The following NFKB1 variants were observed in gnomAD, a reference collection of about 807,000 sequenced individuals.
NFKB1 encodes nuclear factor kappa B subunit 1, also known as nuclear factor NF-kappa-B p105 subunit.
Under a neutral mutation model 105.1 loss-of-function variants are expected in NFKB1, and 9 were observed. The ratio of observed to expected loss-of-function variants is 0.09; its 90% CI spans 0.05 to 0.15. NFKB1 has a LOEUF of 0.15. NFKB1 is among the 10% of genes least tolerant of loss of function. The pLI is 1.00. For synonymous variants in NFKB1, 440 were observed against 442.2 expected (o/e 1.00, Z 0.06); for missense variants, 830 against 1,203.7 (o/e 0.69, Z 4.59).
intron 7 of NFKB1, chr4:102,578,584 T>G: frequency 2.2e-6 from 1 of 461,824 alleles, no homozygotes; most frequent in South Asian, 4.5e-5. Context: ...CCTTTAACTC[T>G]TACTGTAGAG....
Position 102,616,640 on chromosome 4 carries a change from C to T in NFKB1, c.*46C>T. ...CCGTGTAAACCAAAGCCCTAAAATTCCACTGCGTTGTCCACAAGACAGAAG... is the reference window on the plus strand; with the variant it reads ...CCGTGTAAACCAAAGCCCTAAAATTTCACTGCGTTGTCCACAAGACAGAAG... On this transcript the variant is annotated 3_prime_UTR_variant, in exon 24 of 24. Transcript: ENST00000226574. 1 of 1,591,896 alleles carries T rather than the reference C, an allele frequency of 6.3e-7. No homozygotes were observed. Among genetic ancestry groups the T allele is most frequent in the African/African-American group, 1.3e-5 (1 of 74,706 alleles).
At chr4:102,591,420 A>G (rs886663445) in intron 11 of NFKB1, among the ~76,000 whole-genome samples, 1 of 51,412 alleles carries the variant, frequency 1.9e-5, no homozygotes, top group Non-Finnish European at 4.3e-5. Flanking sequence ...ACCCTGGCTC[A>G]AAAAAAAAAA....
chr4:102,588,758 C>T (rs1725928729), intron 11 of NFKB1, among the ~76,000 whole-genome samples: 1 of 152,144 alleles, frequency 6.6e-6, no homozygotes, highest in South Asian at 2.1e-4. Context: ...GGAGTGTTTT[C>T]AAAAGAATGA....
chr4:102,525,674 T>C, intron 2 of NFKB1, 117 bp downstream of exon 2: 1 of 870,868 alleles, frequency 1.1e-6, no homozygotes, highest in Admixed American at 2.7e-5. Flanking sequence ...AAATTTTTTT[T>C]TAATTTCAGT....
intron 10 of NFKB1, among the ~76,000 whole-genome samples, chr4:102,583,304 T>G (rs1366047666): frequency 6.6e-6 from 1 of 152,170 alleles, no homozygotes; most frequent in Non-Finnish European, 1.5e-5. Context: ...ACTTTCTGCC[T>G]TATTGAAATT....
At chr4:102,502,364 C>A (rs924728537) in intron 1 of NFKB1, among the ~76,000 whole-genome samples, 4 of 141,298 alleles carry the variant, frequency 2.8e-5, no homozygotes, top group Non-Finnish European at 6.1e-5. Flanking sequence ...TCTCCCCCCT[C>A]CCCCCCTCCG....
In NFKB1 at chr4:102,551,238, C is replaced by T. The variant is rs570808798; in HGVS notation, c.258+13282C>T. The stretch of plus-strand genomic sequence containing the variant: ...ATGAATGTGATCATCTTTCTGTAGC[C>T]CCCAGGTTACATGGCACCACAGCCA... On this transcript the variant is annotated intron_variant, in intron 5 of 23. Transcript: ENST00000226574. Among the ~76,000 whole-genome samples the T allele has an allele frequency of 2.6e-5, 4 of 152,262 alleles. No individual in the cohort carries two copies. The East Asian group carries it at 7.7e-4, about 29-fold the overall frequency.
intron 5 of NFKB1, among the ~76,000 whole-genome samples, chr4:102,546,703 A>G (rs144957326): frequency 3.3e-5 from 5 of 152,300 alleles, no homozygotes; most frequent in African/African-American, 1.2e-4. Flanking sequence ...ACAAAAGATA[A>G]GGCCTTGGGC....
chr4:102,612,645 A>C (rs764800177), intron 22 of NFKB1, 39 bp downstream of exon 22: 1 of 1,575,988 alleles, frequency 6.3e-7, no homozygotes, highest in African/African-American at 1.4e-5. Context: ...TTTTCATTTG[A>C]CTTTACTCTG....
At chr4:102,610,499 G>T in intron 19 of NFKB1, 76 bp from the exon 20 acceptor site, 1 of 1,529,654 alleles carries the variant, frequency 6.5e-7, no homozygotes, top group Non-Finnish European at 8.9e-7. Context: ...TTTGCCTTTG[G>T]GAATCTGACC....
At chr4:102,578,699 C>T (rs2149184295) in intron 7 of NFKB1, 182 bp from the exon 8 acceptor site, 1 of 550,742 alleles carries the variant, frequency 1.8e-6, no homozygotes, top group South Asian at 3.3e-5. Flanking sequence ...TTCTTTGATG[C>T]CTTTCATATT....
intron 15 of NFKB1, among the ~76,000 whole-genome samples, chr4:102,600,252 C>A (rs1240728654): frequency 6.6e-6 from 1 of 152,154 alleles, no homozygotes; most frequent in Non-Finnish European, 1.5e-5. Flanking sequence ...CAAAAACATT[C>A]CAGGCAGAGG....
chr4:102,539,037 G>A (rs1277045323), intron 5 of NFKB1, among the ~76,000 whole-genome samples: 1 of 152,000 alleles, frequency 6.6e-6, no homozygotes, highest in African/African-American at 2.4e-5. Flanking sequence ...AGGAGTTCGA[G>A]ACCAGCCTGG....
chr4:102,508,432 TG>T (rs937210402), intron 1 of NFKB1, among the ~76,000 whole-genome samples: 1 of 152,204 alleles, frequency 6.6e-6, no homozygotes, highest in African/African-American at 2.4e-5. Context: ...CTTAATTTTT[TG>T]CTCAGTTGGA....
At chr4:102,526,640 T>G (rs192385822) in intron 2 of NFKB1, among the ~76,000 whole-genome samples, 219 of 152,264 alleles carry the variant, frequency 1.4e-3, no homozygotes, top group African/African-American at 4.9e-3. Context: ...AAGAATCACT[T>G]AGTCCCCGTA....
chr4:102,608,835 GATTA>G (rs1403463219), intron 19 of NFKB1, among the ~76,000 whole-genome samples: 2 of 152,216 alleles, frequency 1.3e-5, no homozygotes, highest in East Asian at 3.9e-4. Flanking sequence ...AGAAGACACT[GATTA>G]ATTAAATGCC....
intron 1 of NFKB1, chr4:102,502,038 C>G (rs920600176): frequency 2.0e-5 from 3 of 152,382 alleles, no homozygotes; most frequent in Non-Finnish European, 4.4e-5. Flanking sequence ...GGTCATTTCT[C>G]TTCACGTCCC....
intron 5 of NFKB1, among the ~76,000 whole-genome samples, chr4:102,546,448 G>A (rs1722145992): frequency 6.6e-6 from 1 of 152,022 alleles, no homozygotes; most frequent in Non-Finnish European, 1.5e-5. Context: ...CATTTCCAAA[G>A]CCTGGTAGAG....
chr4:102,521,849 A>G (rs1385553870), intron 1 of NFKB1, among the ~76,000 whole-genome samples: 1 of 152,210 alleles, frequency 6.6e-6, no homozygotes, highest in Non-Finnish European at 1.5e-5. Context: ...GAACTAAGCT[A>G]GTTGTAACAT....
Sources: gnomAD v4.1 joint callset for allele counts (sites outside exome capture counted in the v4.1 genomes callset) on GRCh38, gnomAD v4.1.1 for gene constraint, MANE v1.5 for transcripts, NCBI Gene and HGNC (gene_info 2026-07-23, HGNC 2026-07-21) for gene names.